Variants in USP19 observed in about 807,000 individuals in gnomAD.
USP19 encodes ubiquitin specific peptidase 19.
A neutral mutation model predicts 144.8 loss-of-function variants in USP19; 40 were observed. The observed-to-expected ratio is 0.28, with a 90% CI of 0.21 to 0.36. The LOEUF (loss-of-function observed/expected upper bound fraction) is 0.36. USP19 is among the 10% of genes least tolerant of loss of function. The probability of loss-of-function intolerance (pLI) is 1.00; values close to 1 mark genes in which losing one functional copy is unlikely to be tolerated. For synonymous variants in USP19, 701 were observed against 709.3 expected (o/e 0.99, Z 0.19); for missense variants, 1,518 against 1,822.5 (o/e 0.83, Z 3.04).
intron 2 of USP19, 117 bp from the exon 3 acceptor site, chr3:49,118,237 C>A: frequency 7.9e-6 from 4 of 507,556 alleles, no homozygotes; most frequent in Non-Finnish European, 7.0e-6. Context: ...CACTGCACTC[C>A]AATCTGTGCA....
Position 49,108,594 on chromosome 3 carries a change from C to CCCAG in USP19, c.4039-67_4039-66insCTGG. ...CATGCCGCCTGGCATCCCGGGGGTGCTGGCTTGGAGCCCTGGCACCCAAGG... is the reference window on the plus strand; with the variant it reads ...CATGCCGCCTGGCATCCCGGGGGTGCCCAGTGGCTTGGAGCCCTGGCACCCAAGG... On this transcript the variant is annotated intron_variant, in intron 26 of 26. Coordinates refer to ENST00000417901, the MANE Select transcript of USP19 (RefSeq NM_001199161.2). The surrounding 1 kb of genome is among the most constrained non-coding windows in gnomAD (Gnocchi z 4.8). 1.6e-6 allele frequency: 2 copies of CCCAG among 1,234,958 alleles called. No individual in the cohort carries two copies. Among genetic ancestry groups the CCCAG allele is most frequent in the Admixed American group, 4.2e-5 (1 of 23,574 alleles). The allele number at this position is 1,234,958 out of a possible 1,614,324, so 76.5% of individuals were successfully genotyped here. A position where few individuals can be genotyped will look rare whatever the true frequency, so the allele number is the denominator to read the frequency against.
In USP19 at chr3:49,112,705, T is replaced by G; in HGVS notation, c.2506-76A>C. On this transcript the variant is annotated intron_variant, in intron 17 of 26. Transcript: ENST00000417901. The surrounding 1 kb of genome is among the most constrained non-coding windows in gnomAD (Gnocchi z 4.9). ...GCCCTGCCCCAGAGTTTAAGAAGGC[T>G]TGGCCCTGCCTTGGGTCTATGTGGG... The G allele has an allele frequency of 6.5e-7, 1 of 1,548,510 alleles. No homozygotes were observed.
chr3:49,109,103 T>TG (rs1559981717), intron 26 of USP19: 1 of 1,582,576 alleles, frequency 6.3e-7, no homozygotes, highest in South Asian at 1.1e-5. Flanking sequence ...CACCCAGTCT[T>TG]GGGGCCCCCA....
chr3:49,110,940 C>A lies in USP19; in HGVS notation c.3545+10G>T. 1 of 1,614,088 alleles carries A rather than the reference C, an allele frequency of 6.2e-7. No individual in the cohort carries two copies. Among genetic ancestry groups the A allele is most frequent in the Non-Finnish European group, 8.5e-7 (1 of 1,180,014 alleles). On this transcript the variant is annotated intron_variant, in intron 23 of 26. Coordinates refer to ENST00000417901, the MANE Select transcript of USP19 (RefSeq NM_001199161.2). The surrounding 1 kb of genome is among the most constrained non-coding windows in gnomAD (Gnocchi z 6.1). Reference sequence around the variant, plus strand: ...CCTGCCCCCTTATCTACTTGCTGCTCTGTTCTCACCAGGCCTCCTCGGGTG... The same window carrying A: ...CCTGCCCCCTTATCTACTTGCTGCTATGTTCTCACCAGGCCTCCTCGGGTG...
Position 49,115,523 on chromosome 3 carries a change from G to A in USP19, c.1809C>T (p.Val603=), listed in dbSNP as rs749751365. 1.2e-6 allele frequency: 2 copies of A among 1,614,080 alleles called. No homozygotes were observed. The highest frequency in any genetic ancestry group is 1.7e-6 in the Non-Finnish European group (2 of 1,180,042). ...TCATGAAGCAGGTGTTGCCTAAATT[G>A]ACAAGGCCAGTGAAGCCTGGCAGAC... ...KVCLPGFTGL[V]NLGNTCFMNS... is the part of the protein sequence containing the mutation. Residue 603 remains valine (V), a synonymous_variant, in exon 12 of 27, where the codon GTC becomes GTT. Coordinates refer to ENST00000417901, the MANE Select transcript of USP19 (RefSeq NM_001199161.2). This position sits in a 1 kb window ranked among gnomAD's most constrained non-coding sequence, Gnocchi z 6.6.
At position 49,116,620 on chromosome 3, in the gene USP19, C is replaced by T. The variant is rs758601334; in HGVS notation, c.1127-13G>A. ...ATCGACTCGGGCTCTATATTGAGAC[C>T]ATGGCTCAGCCCCAACCAGGACAGG... On this transcript the variant is annotated splice_polypyrimidine_tract_variant and intron_variant, in intron 7 of 26. Transcript: ENST00000417901. The surrounding 1 kb of genome is among the most constrained non-coding windows in gnomAD (Gnocchi z 5.0). 3 of 1,614,036 alleles carry T rather than the reference C, an allele frequency of 1.9e-6. No individual in the cohort carries two copies. The highest frequency in any genetic ancestry group is 1.7e-6 in the Non-Finnish European group (2 of 1,179,966).
At position 49,115,082 on chromosome 3, in the gene USP19, G is replaced by A. The variant is rs1391327820; in HGVS notation, c.2058C>T (p.Gly686=). ...IVASKASQFT[G]YAQHDAQEFM... The stretch of plus-strand genomic sequence containing the variant: ...ACTCCTGGGCATCATGCTGTGCATA[G>A]CCTGTGAACTGGCTGGCCTTACTCG... The change falls in exon 14 of 27, where the codon GGC becomes GGT. Residue 686 remains glycine, a synonymous_variant. Transcript: ENST00000417901. This position sits in a 1 kb window ranked among gnomAD's most constrained non-coding sequence, Gnocchi z 6.6. 6.2e-7 allele frequency: 1 copy of A among 1,614,204 alleles called. No homozygotes were observed.
Position 49,117,473 on chromosome 3 carries a change from G to T in USP19, c.570C>A (p.Pro190=). The T allele has an allele frequency of 6.2e-7, 1 of 1,614,116 alleles. No individual in the cohort carries two copies. Among genetic ancestry groups the T allele is most frequent in the Non-Finnish European group, 8.5e-7 (1 of 1,180,032 alleles). Residue 190 remains proline, a synonymous_variant, in exon 5 of 27, where the codon CCC becomes CCA. Transcript: ENST00000417901. This position sits in a 1 kb window ranked among gnomAD's most constrained non-coding sequence, Gnocchi z 4.4. The stretch of plus-strand genomic sequence containing the variant: ...GCCACGTGAGCATAGGCACCTTTTT[G>T]GGCAGTGTCAGGTGCAGGAGACTGC... ...RKGSLLHLTL[P]KKVPMLTWPS...
At position 49,114,682 on chromosome 3, in the gene USP19, G is replaced by A; in HGVS notation, c.2292+81C>T. 5 of 1,474,918 alleles carry A rather than the reference G, an allele frequency of 3.4e-6. No homozygotes were observed. In the East Asian group the frequency reaches 9.2e-5, roughly 27 times the overall value. The allele number at this position is 1,474,918 out of a possible 1,614,324, so 91.4% of individuals were successfully genotyped here. On this transcript the variant is annotated intron_variant, in intron 15 of 26. Transcript: ENST00000417901. This position sits in a 1 kb window ranked among gnomAD's most constrained non-coding sequence, Gnocchi z 4.5. Reference sequence around the variant, plus strand: ...CAAACCTTGCCCTGTAGCACCTTAAGATGCACATGCCTCTGAACCTAATGT... The same window carrying A: ...CAAACCTTGCCCTGTAGCACCTTAAAATGCACATGCCTCTGAACCTAATGT...
intron 1 of USP19, among the ~76,000 whole-genome samples, chr3:49,120,289 G>T (rs891110166): frequency 1.1e-4 from 17 of 152,208 alleles, no homozygotes; most frequent in African/African-American, 4.1e-4. Flanking sequence ...CCCTTCTACA[G>T]GTCAGATGTG....
rs2043262673 is a variant in USP19 at position 49,112,148 on chromosome 3, C to T, written c.2766-100G>A. 1 of 1,551,586 alleles carries T rather than the reference C, an allele frequency of 6.4e-7. No individual in the cohort carries two copies. Among genetic ancestry groups the T allele is most frequent in the Non-Finnish European group, 8.7e-7 (1 of 1,147,330 alleles). On this transcript the variant is annotated intron_variant, in intron 19 of 26. Transcript: ENST00000417901. This position sits in a 1 kb window ranked among gnomAD's most constrained non-coding sequence, Gnocchi z 4.9. The stretch of plus-strand genomic sequence containing the variant: ...TCCCTGGGAACTGGGTACGCCAGCC[C>T]TGCCTCCCCCAGAGCCTGGTAAAGT...
chr3:49,118,918 G>A (rs1246157294), intron 2 of USP19, 104 bp downstream of exon 2: 5 of 1,542,966 alleles, frequency 3.2e-6, no homozygotes, highest in Admixed American at 1.8e-5. Flanking sequence ...CATCAAACCA[G>A]GACAGAGAGA....
chr3:49,117,695 G>C lies in USP19; in HGVS notation c.434C>G (p.Ala145Gly). Reference protein sequence around the residue: ...VGPLQLEDVDAAFTDTDCVVR... With the variant: ...VGPLQLEDVDGAFTDTDCVVR... The stretch of plus-strand genomic sequence containing the variant: ...CACACAGTCTGTATCTGTGAAAGCA[G>C]CATCTACATCCTCCAGCTGCAGGGG... The change falls in exon 4 of 27, where the codon GCT (alanine) becomes GGT (glycine). Residue 145 changes from alanine to glycine, a missense_variant. By Grantham distance (60) the Ala-to-Gly change is moderately conservative (BLOSUM62 0). Around this residue, in one of 5 missense-constraint regions of USP19, gnomAD observed 707 missense variants for 728.9 expected, o/e 0.97. Transcript: ENST00000417901. The surrounding 1 kb of genome is among the most constrained non-coding windows in gnomAD (Gnocchi z 4.4). 6.2e-7 allele frequency: 1 copy of C among 1,614,188 alleles called. No individual in the cohort carries two copies. Among genetic ancestry groups the C allele is most frequent in the South Asian group, 1.1e-5 (1 of 91,084 alleles).
Position 49,116,833 on chromosome 3 carries a change from C to A in USP19, c.1020G>T (p.Gly340=). The A allele has an allele frequency of 6.2e-7, 1 of 1,614,104 alleles. No individual in the cohort carries two copies. The highest frequency in any genetic ancestry group is 8.5e-7 in the Non-Finnish European group (1 of 1,180,018). ...CCATGGCTGGAGAGACTGGGTCATT[C>A]CCGGGAGGCACTGCTTTCTCTCCTG... ...PLAGEKAVPP[G]NDPVSPAMVR... is the part of the protein sequence containing the mutation. The change falls in exon 7 of 27, where the codon GGG becomes GGT. Residue 340 remains glycine (G), a synonymous_variant. Transcript: ENST00000417901. The surrounding 1 kb of genome is among the most constrained non-coding windows in gnomAD (Gnocchi z 5.0).
In USP19 at chr3:49,116,253, A is replaced by G. The variant is rs2044106464; in HGVS notation, c.1355+27T>C. 2 of 1,613,596 alleles carry G rather than the reference A, an allele frequency of 1.2e-6. No homozygotes were observed. The highest frequency in any genetic ancestry group is 1.7e-6 in the Non-Finnish European group (2 of 1,179,858). ...ATGGAGCCCACGGGGTAGGACAGGC[A>G]CAGTGGTGGGGCCGGGCACCACCCA... On this transcript the variant is annotated intron_variant, in intron 9 of 26. Coordinates refer to ENST00000417901, the MANE Select transcript of USP19 (RefSeq NM_001199161.2). The surrounding 1 kb of genome is among the most constrained non-coding windows in gnomAD (Gnocchi z 5.0).
rs367787525 is a variant in USP19 at position 49,119,111 on chromosome 3, C to T, written c.35G>A (p.Arg12Lys). The T allele has an allele frequency of 1.2e-6, 2 of 1,613,796 alleles. No homozygotes were observed. The highest frequency in any genetic ancestry group is 4.5e-5 in the East Asian group (2 of 44,870). The change falls in exon 2 of 27, where the codon AGA becomes AAA. Residue 12 changes from arginine (R) to lysine (K), a missense_variant. By Grantham distance (26) the Arg-to-Lys change is conservative. Transcript: ENST00000417901. ...SGGASATGPR[R>K]GPPGLEDTTS... ...GGTGTCCTCCAGTCCTGGGGGCCCT[C>T]TCCTTGGGCCTGTGGCACTGGCCCC...
In USP19 at chr3:49,117,185, C is replaced by T; in HGVS notation, c.783G>A (p.Gly261=). ...RGEVGAGAGP[G]AQAGPSAKRA... is the part of the protein sequence containing the mutation. ...TCTTGGCGCTGGGCCCTGCCTGGGC[C>T]CCGGGGCCAGCCCCTGCGCCTACCT... The change falls in exon 6 of 27, where the codon GGG becomes GGA. Residue 261 remains glycine (G), a synonymous_variant. Coordinates refer to ENST00000417901, the MANE Select transcript of USP19 (RefSeq NM_001199161.2). The surrounding 1 kb of genome is among the most constrained non-coding windows in gnomAD (Gnocchi z 4.4). 6.5e-7 allele frequency: 1 copy of T among 1,547,938 alleles called. No individual in the cohort carries two copies. The highest frequency in any genetic ancestry group is 8.7e-7 in the Non-Finnish European group (1 of 1,146,830).
chr3:49,117,457 G>C lies in USP19; in HGVS notation c.586C>G (p.Leu196Val), dbSNP rs542997739. 5 of 1,614,168 alleles carry C rather than the reference G, an allele frequency of 3.1e-6. No individual in the cohort carries two copies. The East Asian group carries it at 8.9e-5, about 29-fold the overall frequency. ...HLTLPKKVPM[L>V]TWPSLLKKPL... ...CTCACCAGGAGGGAGGGCCACGTGA[G>C]CATAGGCACCTTTTTGGGCAGTGTC... Residue 196 changes from leucine (L) to valine (V), a missense_variant, in exon 5 of 27, where the codon CTC (leucine) becomes GTC (valine). Around this residue, in one of 5 missense-constraint regions of USP19, gnomAD observed 707 missense variants for 728.9 expected, o/e 0.97. Transcript: ENST00000417901. This position sits in a 1 kb window ranked among gnomAD's most constrained non-coding sequence, Gnocchi z 4.4.
chr3:49,117,046 G>A lies in USP19; in HGVS notation c.909+13C>T. 1 of 1,518,760 alleles carries A rather than the reference G, an allele frequency of 6.6e-7. No homozygotes were observed. The highest frequency in any genetic ancestry group is 1.2e-5 in the South Asian group (1 of 80,276). The allele number at this position is 1,518,760 out of a possible 1,614,324, so 94.1% of individuals were successfully genotyped here. On this transcript the variant is annotated intron_variant, in intron 6 of 26. Transcript: ENST00000417901. The surrounding 1 kb of genome is among the most constrained non-coding windows in gnomAD (Gnocchi z 4.4). The stretch of plus-strand genomic sequence containing the variant: ...CCCATCTCCTAACACCCAAACAGGT[G>A]CCCAGCTCTCACCTGGGTGGCTGGG...
Sources: allele counts gnomAD v4.1 joint callset (sites outside exome capture counted in the v4.1 genomes callset), GRCh38; gene constraint gnomAD v4.1.1; regional missense constraint gnomAD v4.1.1; non-coding constraint Gnocchi (gnomAD v3.1); transcripts MANE v1.5; gene names NCBI Gene and HGNC (gene_info 2026-07-23, HGNC 2026-07-21).